Variants in FARS2 observed in about 807,000 individuals in gnomAD.
FARS2 encodes the protein phenylalanine--tRNA ligase, mitochondrial.
Under a neutral mutation model 46.4 loss-of-function variants are expected in FARS2, and 40 were observed. The observed-to-expected ratio is 0.86, with a 90% CI of 0.67 to 1.12. The LOEUF is 1.12. FARS2 is among the 50% of genes most tolerant of loss of function. FARS2 has a pLI of 0.00. For synonymous variants in FARS2, 234 were observed against 214.9 expected, an observed-to-expected ratio of 1.09 and a Z score of -0.78; for missense variants, 513 against 567.9, an observed-to-expected ratio of 0.90 and a Z score of 0.98.
At position 5,341,217 on chromosome 6, in the gene FARS2, ATATATATATATATATATATTTTTTT is replaced by A. The variant is rs1186051513; in HGVS notation, c.-21-27331_-21-27307del. ...TATATATATATATATATATATATAT[ATATATATATATATATATATTTTTTT>A]TTTTTTTTTTTTTTTCCCTGTGAGA... On this transcript the variant is annotated intron_variant, in intron 1 of 6. Transcript: ENST00000274680. Among the ~76,000 whole-genome samples, 16 of 5,988 alleles carry A rather than the reference ATATATATATATATATATATTTTTTT, an allele frequency of 2.7e-3. 1 individual carries two copies. Among genetic ancestry groups the A allele is most frequent in the Middle Eastern group, 0.042 (1 of 24 alleles). The allele number at this position is 5,988 out of a possible 152,430, so 3.9% of individuals were successfully genotyped here.
intron 6 of FARS2, among the ~76,000 whole-genome samples, chr6:5,635,809 A>T: frequency 6.6e-6 from 1 of 152,298 alleles, no homozygotes; most frequent in East Asian, 1.9e-4. Context: ...AAGGCATGTG[A>T]CATTTTGTAT....
In FARS2 at chr6:5,471,063, C is replaced by G. The variant is rs765339920; in HGVS notation, c.904+39891C>G. Among the ~76,000 whole-genome samples the G allele has an allele frequency of 6.6e-6, 1 of 152,082 alleles. No individual in the cohort carries two copies. The highest frequency in any genetic ancestry group is 1.9e-4 in the East Asian group (1 of 5,188). ...TACTGATCAGAAAAGGCTTTCTAAG[C>G]TAGAGTGTGAGAGTTACATGTTAAC... On this transcript the variant is annotated intron_variant, in intron 4 of 6. Transcript: ENST00000274680. This position sits in a 1 kb window ranked among gnomAD's most constrained non-coding sequence, Gnocchi z 4.1.
intron 2 of FARS2, among the ~76,000 whole-genome samples, chr6:5,375,775 G>A (rs1393887374): frequency 2.0e-5 from 3 of 152,016 alleles, no homozygotes; most frequent in Non-Finnish European, 4.4e-5. Flanking sequence ...TATCTCTATA[G>A]GAAAACAGTG....
At chr6:5,555,881 TAAG>T (rs1184329228) in intron 5 of FARS2, among the ~76,000 whole-genome samples, 1 of 152,140 alleles carries the variant, frequency 6.6e-6, no homozygotes, top group Non-Finnish European at 1.5e-5. Context: ...GACTTAAAAA[TAAG>T]GAGAGGTGCA....
intron 5 of FARS2, among the ~76,000 whole-genome samples, chr6:5,566,048 A>T (rs938344859): frequency 1.3e-5 from 2 of 152,182 alleles, no homozygotes; most frequent in African/African-American, 2.4e-5. Context: ...TAAAGGGCAG[A>T]TTAGTGTCTT....
intron 6 of FARS2, among the ~76,000 whole-genome samples, chr6:5,763,592 A>G (rs1762597296): frequency 2.0e-5 from 3 of 152,174 alleles, no homozygotes; most frequent in Admixed American, 2.0e-4. Flanking sequence ...TAGAGGTTAA[A>G]TGACTCGCCC....
intron 2 of FARS2, among the ~76,000 whole-genome samples, chr6:5,381,274 G>A (rs1188152749): frequency 6.6e-6 from 1 of 151,878 alleles, no homozygotes; most frequent in African/African-American, 2.4e-5. Context: ...TGGGATTACA[G>A]GCGTGAGCCA....
intron 4 of FARS2, among the ~76,000 whole-genome samples, chr6:5,476,481 A>G (rs1561647710): frequency 6.6e-6 from 1 of 152,146 alleles, no homozygotes; most frequent in Non-Finnish European, 1.5e-5. Context: ...TGAATTCACA[A>G]CTCCTAGAAC....
intron 4 of FARS2, among the ~76,000 whole-genome samples, chr6:5,485,488 G>A (rs1161656170): frequency 1.4e-5 from 2 of 144,126 alleles, no homozygotes; most frequent in South Asian, 4.8e-4. Flanking sequence ...AAGATTTAAA[G>A]TGGGGGGGAC....
At chr6:5,644,358 G>A (rs1582657997) in intron 6 of FARS2, among the ~76,000 whole-genome samples, 1 of 152,042 alleles carries the variant, frequency 6.6e-6, no homozygotes, top group South Asian at 2.1e-4. Context: ...GACTACAGGT[G>A]CGCACCACCA....
At chr6:5,667,475 G>A (rs575650874) in intron 6 of FARS2, among the ~76,000 whole-genome samples, 65 of 150,990 alleles carry the variant, frequency 4.3e-4, no homozygotes, top group African/African-American at 1.4e-3. Context: ...CCGAGATCAC[G>A]CCACTGCACT....
At chr6:5,281,407 C>CA (rs747182780) in intron 1 of FARS2, among the ~76,000 whole-genome samples, 41 of 151,772 alleles carry the variant, frequency 2.7e-4, no homozygotes, top group Non-Finnish European at 4.1e-4. Context: ...TTTACTGTGT[C>CA]AAAAAAATGC....
chr6:5,308,290 G>A (rs1172947211), intron 1 of FARS2, among the ~76,000 whole-genome samples: 2 of 152,168 alleles, frequency 1.3e-5, no homozygotes, highest in Non-Finnish European at 2.9e-5. Context: ...ACATTAGTAG[G>A]TCGGGGCAAA....
chr6:5,722,457 G>A (rs1365716593), intron 6 of FARS2, among the ~76,000 whole-genome samples: 1 of 152,178 alleles, frequency 6.6e-6, no homozygotes, highest in Non-Finnish European at 1.5e-5. Context: ...TGTGACAGAG[G>A]GGTTATCTCA....
At chr6:5,273,969 C>G (rs1031726472) in intron 1 of FARS2, among the ~76,000 whole-genome samples, 5 of 152,066 alleles carry the variant, frequency 3.3e-5, no homozygotes, top group Admixed American at 2.6e-4. Flanking sequence ...ATATCTGGTT[C>G]TCTATTTTAT....
intron 1 of FARS2, among the ~76,000 whole-genome samples, chr6:5,347,794 T>C (rs1757332598): frequency 6.6e-6 from 1 of 152,220 alleles, no homozygotes; most frequent in South Asian, 2.1e-4. Context: ...GTGTTCCACA[T>C]CTTCACCGAC....
chr6:5,307,547 G>C (rs1768797444), intron 1 of FARS2, among the ~76,000 whole-genome samples: 1 of 152,104 alleles, frequency 6.6e-6, no homozygotes, highest in African/African-American at 2.4e-5. Context: ...ACTGTTTTCT[G>C]CAAGTTGCCA....
rs1315118323 is a variant in FARS2, at chr6:5,444,486, AAAAAAAAGAGAG to A, written c.904+13316_904+13327del. Reference sequence around the variant, plus strand: ...TGTCTCAAAAAAAAAAAAAAAAAAAAAAAAAAAGAGAGAGAGAGAGAGAGAGAGGAAAAAATC... The same window carrying A: ...TGTCTCAAAAAAAAAAAAAAAAAAAAAGAGAGAGAGAGAGAGGAAAAAATC... On this transcript the variant is annotated intron_variant, in intron 4 of 6. Coordinates refer to ENST00000274680, the MANE Select transcript of FARS2 (RefSeq NM_006567.5). Among the ~76,000 whole-genome samples the A allele has an allele frequency of 6.1e-3, 533 of 87,028 alleles. 2 individuals carry two copies. Among genetic ancestry groups the A allele is most frequent in the African/African-American group, 0.026 (468 of 17,752 alleles). 57.1% of individuals were successfully genotyped at this position (87,028 alleles called of 152,430 possible). A position where few individuals can be genotyped will look rare whatever the true frequency, so the allele number is the denominator to read the frequency against.
chr6:5,713,415 A>G (rs1394652543), intron 6 of FARS2, among the ~76,000 whole-genome samples: 1 of 152,266 alleles, frequency 6.6e-6, no homozygotes, highest in East Asian at 1.9e-4. Flanking sequence ...TCTGGATATT[A>G]TCACAGAAAA....
Sources: gnomAD v4.1 joint callset for allele counts (sites outside exome capture counted in the v4.1 genomes callset) on GRCh38, gnomAD v4.1.1 for gene constraint, Gnocchi (gnomAD v3.1) non-coding constraint, MANE v1.5 for transcripts, NCBI Gene and HGNC (gene_info 2026-07-23, HGNC 2026-07-21) for gene names.